WDR83: variants seen among roughly 807,000 people sequenced by gnomAD.
WDR83 encodes WD repeat domain-containing protein 83.
Under a neutral mutation model 37.7 loss-of-function variants are expected in WDR83, and 37 were observed. That is an observed-to-expected ratio of 0.98 (90% CI 0.76 to 1.29). The LOEUF (loss-of-function observed/expected upper bound fraction) is 1.29, where lower values mean the gene tolerates loss of function less well. Ranked by LOEUF, WDR83 falls within the 50% of genes most tolerant of loss-of-function variation. The pLI, the probability that WDR83 is intolerant of heterozygous loss-of-function variation, is 0.00. For missense variants in WDR83, 445 were observed against 414.4 expected, an observed-to-expected ratio of 1.07 and a Z score of -0.64; for synonymous variants, 174 against 181.1, an observed-to-expected ratio of 0.96 and a Z score of 0.31.
At chr19:12,671,031 AAAT>A (rs1488347609) in intron 7 of WDR83, 11 of 702,968 alleles carry the variant, frequency 1.6e-5, no homozygotes, top group South Asian at 5.6e-5. Flanking sequence ...ACTGTCTACA[AAAT>A]AATAATAATC....
rs367840421 is a variant in WDR83, at chr19:12,669,257, G to A, written c.-36-498G>A. ...ACCTGCGACAGGCTCGAGGGTCAGG[G>A]GCGCTCAGGTCCTGCCCCCGGGATA... On this transcript the variant is annotated intron_variant, in intron 2 of 10. Coordinates refer to ENST00000418543, the MANE Select transcript of WDR83 (RefSeq NM_001099737.3). 141 of 1,612,984 alleles carry A rather than the reference G, an allele frequency of 8.7e-5. No homozygotes were observed. In the African/African-American group the frequency reaches 1.8e-3, roughly 21 times the overall value.
intron 10 of WDR83, among the ~76,000 whole-genome samples, chr19:12,675,089 G>A (rs1046651728): frequency 7.3e-5 from 11 of 150,754 alleles, no homozygotes; most frequent in African/African-American, 2.2e-4. Context: ...ACTCCAGCCT[G>A]GCGACAGAGC....
rs758059252 is a variant in WDR83 at position 12,670,811 on chromosome 19, A to G, written c.496A>G (p.Ile166Val). 33 of 1,613,190 alleles carry G rather than the reference A, an allele frequency of 2.0e-5. No homozygotes were observed. The Middle Eastern group carries it at 6.7e-4, about 33-fold the overall frequency. ...CAGTGTGAAGGTGTCAGACCACGAG[A>G]TCCTGGCAGGGTGAGTGGAGCCAGG... The part of the protein sequence containing the change: ...VSSVKVSDHE[I>V]LAGSVDGRVR... Residue 166 changes from isoleucine (I) to valine (V), a missense_variant, in exon 7 of 11, where the codon ATC (isoleucine) becomes GTC (valine). Coordinates refer to ENST00000418543, the MANE Select transcript of WDR83 (RefSeq NM_001099737.3).
chr19:12,668,585 G>A lies in WDR83; in HGVS notation c.-79G>A. 6.2e-7 allele frequency: 1 copy of A among 1,614,124 alleles called. No homozygotes were observed. The highest frequency in any genetic ancestry group is 1.1e-5 in the South Asian group (1 of 91,080). On this transcript the variant is annotated 5_prime_UTR_variant, in exon 2 of 11. Transcript: ENST00000418543. Reference sequence around the variant, plus strand: ...GAGAGTTGGCAAAGCTGATGAAGGAGCAGTAGACAGCGACCCAAGCACACC... The same window carrying A: ...GAGAGTTGGCAAAGCTGATGAAGGAACAGTAGACAGCGACCCAAGCACACC...
rs1422198539 is a variant in WDR83 at position 12,673,063 on chromosome 19, C to T, written c.630C>T (p.Ser210=). Reference sequence around the variant, plus strand: ...ATGGGCAGTGCACCCTGGTGTCCAGCCTGGACTCCACATTGCGGCTCCTGG... The same window carrying T: ...ATGGGCAGTGCACCCTGGTGTCCAGTCTGGACTCCACATTGCGGCTCCTGG... ...SRDGQCTLVS[S]LDSTLRLLDK... The change falls in exon 9 of 11, where the codon AGC becomes AGT. Residue 210 remains serine, a synonymous_variant. Transcript: ENST00000418543. 2 of 1,613,760 alleles carry T rather than the reference C, an allele frequency of 1.2e-6. No homozygotes were observed. The highest frequency in any genetic ancestry group is 2.2e-5 in the South Asian group (2 of 91,082).
intron 1 of WDR83, among the ~76,000 whole-genome samples, chr19:12,667,601 C>A (rs918042397): frequency 8.2e-4 from 125 of 151,974 alleles, no homozygotes; most frequent in African/African-American, 2.9e-3. Context: ...TGCAGTGAGC[C>A]GAGATCAAGA....
intron 2 of WDR83, 112 bp from the exon 3 acceptor site, chr19:12,669,643 C>A: frequency 1.0e-6 from 1 of 999,072 alleles, no homozygotes; most frequent in East Asian, 2.6e-5. Context: ...ACCCGATCAC[C>A]GAAATGCCAA....
Position 12,668,459 on chromosome 19 carries a change from C to G in WDR83, c.-156-49C>G, listed in dbSNP as rs111385229. 6,771 of 1,613,002 alleles carry G rather than the reference C, an allele frequency of 4.2e-3. 268 individuals are homozygous for G. In the African/African-American group the frequency reaches 0.079, roughly 19 times the overall value. ...GGAGAGAGGTGTCAGTCTAGGATGGCCAGGCTGGGGTCCCCCCACCCCTTA... is the reference window on the plus strand; with the variant it reads ...GGAGAGAGGTGTCAGTCTAGGATGGGCAGGCTGGGGTCCCCCCACCCCTTA... On this transcript the variant is annotated intron_variant, in intron 1 of 10. Transcript: ENST00000418543.
At chr19:12,670,401 C>T (rs892864734) in intron 5 of WDR83, 116 bp downstream of exon 5, 2 of 1,500,130 alleles carry the variant, frequency 1.3e-6, no homozygotes, top group Non-Finnish European at 9.2e-7. Context: ...TGACGATCCC[C>T]CACTCCGCAT....
chr19:12,669,476 AT>A, intron 2 of WDR83: 1 of 1,534,392 alleles, frequency 6.5e-7, no homozygotes. Flanking sequence ...CTGAGGGCGG[AT>A]TTTAGAGTAA....
intron 9 of WDR83, 27 bp downstream of exon 9, chr19:12,673,143 C>A (rs758352562): frequency 3.1e-6 from 5 of 1,611,626 alleles, no homozygotes; most frequent in Non-Finnish European, 4.2e-6. Flanking sequence ...GTGGGGATCC[C>A]CTTCCCTCCT....
chr19:12,674,435 G>A (rs2024510935), intron 10 of WDR83, among the ~76,000 whole-genome samples: 1 of 151,914 alleles, frequency 6.6e-6, no homozygotes, highest in East Asian at 1.9e-4. Flanking sequence ...CCCATAAGAG[G>A]ATGGAGGGAA....
At position 12,669,980 on chromosome 19, in the gene WDR83, A is replaced by T. The variant is rs1409060788; in HGVS notation, c.107A>T (p.Asp36Val). The change falls in exon 4 of 11, where the codon GAT (aspartate) becomes GTT (valine). Residue 36 changes from aspartate to valine, a missense_variant. Transcript: ENST00000418543. ...GAVRAVRFNV[D>V]GNYCLTCGSD... is the part of the protein sequence containing the mutation. ...ACCCCCGCCTGGTGTTCCCCAGTGG[A>T]TGGCAATTACTGCCTGACGTGCGGC... is the stretch of plus-strand genomic sequence containing the variant. The T allele has an allele frequency of 1.9e-6, 3 of 1,609,750 alleles. No individual in the cohort carries two copies. Among genetic ancestry groups the T allele is most frequent in the Non-Finnish European group, 2.5e-6 (3 of 1,176,514 alleles).
At chr19:12,673,487 G>A (rs2024483625) in intron 10 of WDR83, among the ~76,000 whole-genome samples, 171 bp downstream of exon 10, 1 of 138,312 alleles carries the variant, frequency 7.2e-6, no homozygotes, top group African/African-American at 2.7e-5. Context: ...GCGCAATCTT[G>A]GCTCACTGTA....
chr19:12,670,292 G>T lies in WDR83; in HGVS notation c.330+7G>T. On this transcript the variant is annotated splice_region_variant and intron_variant, in intron 5 of 10. Coordinates refer to ENST00000418543, the MANE Select transcript of WDR83 (RefSeq NM_001099737.3). ...ATTCCGGGGCCACGCAGGGGTGAGT[G>T]AAAGCCTGGAGACCCTCATTTGAGT... The T allele has an allele frequency of 2.5e-6, 4 of 1,612,888 alleles. No homozygotes were observed. The highest frequency in any genetic ancestry group is 3.4e-6 in the Non-Finnish European group (4 of 1,179,284).
chr19:12,669,996 G>A lies in WDR83; in HGVS notation c.123G>A (p.Leu41=). 6.2e-7 allele frequency: 1 copy of A among 1,611,626 alleles called. No homozygotes were observed. Among genetic ancestry groups the A allele is most frequent in the Middle Eastern group, 1.7e-4 (1 of 6,052 alleles). ...VRFNVDGNYC[L]TCGSDKTLKL... ...CCCCAGTGGATGGCAATTACTGCCT[G>A]ACGTGCGGCAGTGACAAGACGCTGA... Residue 41 remains leucine (L), a synonymous_variant, in exon 4 of 11, where the codon CTG becomes CTA. Coordinates refer to ENST00000418543, the MANE Select transcript of WDR83 (RefSeq NM_001099737.3).
In WDR83 at chr19:12,675,645, CTA is replaced by C. The variant is rs1468388566; in HGVS notation, c.923_924del (p.Tyr308Ter). 6.2e-7 allele frequency: 1 copy of C among 1,601,668 alleles called. No individual in the cohort carries two copies. On this transcript the variant is annotated frameshift_variant, in exon 11 of 11. Coordinates refer to ENST00000418543, the MANE Select transcript of WDR83 (RefSeq NM_001099737.3). LOFTEE classifies it high-confidence loss of function. ...GSVQCWREEA[Y>X]EAEDGAG ...GCGTCCAGTGCTGGCGAGAGGAGGCCTATGAGGCAGAGGATGGAGCAGGCTGA... is the reference window on the plus strand; with the variant it reads ...GCGTCCAGTGCTGGCGAGAGGAGGCCTGAGGCAGAGGATGGAGCAGGCTGA...
chr19:12,670,702 T>C lies in WDR83; in HGVS notation c.387T>C (p.Ile129=), dbSNP rs778297019. The C allele has an allele frequency of 1.9e-6, 3 of 1,614,176 alleles. No individual in the cohort carries two copies. In the South Asian group the frequency reaches 3.3e-5, roughly 18 times the overall value. The stretch of plus-strand genomic sequence containing the variant: ...ATCATGCTGGCCTCACAGGCTCTAT[T>C]GATTCCAGTATCCGCTGTTGGGATT... ...EEATVILSGS[I]DSSIRCWDCR... The change falls in exon 7 of 11, where the codon ATT becomes ATC. Residue 129 remains isoleucine, a synonymous_variant. Transcript: ENST00000418543.
At chr19:12,670,922 C>T in intron 7 of WDR83, 101 bp downstream of exon 7, 1 of 1,502,990 alleles carries the variant, frequency 6.7e-7, no homozygotes, top group Non-Finnish European at 9.0e-7. Flanking sequence ...CACAGTGGCA[C>T]ACAGCTGTAA....
Sources: gnomAD v4.1 joint callset for allele counts (sites outside exome capture counted in the v4.1 genomes callset) on GRCh38, gnomAD v4.1.1 for gene constraint, MANE v1.5 for transcripts, NCBI Gene and HGNC (gene_info 2026-07-23, HGNC 2026-07-21) for gene names.